Variants in DFFB observed in about 807,000 individuals in gnomAD.
DFFB encodes the protein DNA fragmentation factor 40 kDa subunit.
DFFB carries 29 observed loss-of-function variants against 32.7 expected under a neutral mutation model. The ratio of observed to expected loss-of-function variants is 0.89; its 90% CI spans 0.66 to 1.21. DFFB has a LOEUF of 1.21. DFFB is among the 50% of genes most tolerant of loss of function. The probability of loss-of-function intolerance (pLI) is 0.00; values close to 1 mark genes in which losing one functional copy is unlikely to be tolerated. For synonymous variants in DFFB, 170 were observed against 177.1 expected, an observed-to-expected ratio of 0.96 and a Z score of 0.32; for missense variants, 398 against 440.6, an observed-to-expected ratio of 0.90 and a Z score of 0.87.
intron 6 of DFFB, among the ~76,000 whole-genome samples, chr1:3,882,510 A>G (rs1645360764): frequency 6.6e-6 from 1 of 151,834 alleles, no homozygotes; most frequent in South Asian, 2.1e-4. Flanking sequence ...GATTACAGGC[A>G]TGCATCACCA....
intron 2 of DFFB, among the ~76,000 whole-genome samples, chr1:3,859,235 C>A (rs912529411): frequency 6.6e-6 from 1 of 151,616 alleles, no homozygotes. Flanking sequence ...TCTGGAAGGA[C>A]GAGGTGGTGG....
intron 6 of DFFB, among the ~76,000 whole-genome samples, chr1:3,881,157 G>A (rs910178554): frequency 6.6e-6 from 1 of 152,208 alleles, no homozygotes; most frequent in African/African-American, 2.4e-5. Flanking sequence ...GGCCATGTGA[G>A]GGAGCCTGTC....
At chr1:3,870,960 T>C (rs1645100644) in intron 5 of DFFB, among the ~76,000 whole-genome samples, 1 of 152,210 alleles carries the variant, frequency 6.6e-6, no homozygotes, top group Non-Finnish European at 1.5e-5. Flanking sequence ...AGTGCTGGGC[T>C]GCGGACCACA....
intron 6 of DFFB, chr1:3,872,958 G>A: frequency 8.1e-7 from 1 of 1,233,590 alleles, no homozygotes; most frequent in South Asian, 1.4e-5. Context: ...CAGACAGCGG[G>A]AGCTCCTGGT....
chr1:3,874,245 A>C (rs891371560), intron 6 of DFFB, among the ~76,000 whole-genome samples: 1 of 145,922 alleles, frequency 6.9e-6, no homozygotes, highest in Non-Finnish European at 1.5e-5. Flanking sequence ...TAACATGTAC[A>C]TATGTGGCCT....
intron 6 of DFFB, 48 bp downstream of exon 6, chr1:3,872,620 T>G: frequency 2.0e-6 from 3 of 1,518,286 alleles, no homozygotes; most frequent in Non-Finnish European, 2.7e-6. Flanking sequence ...TGCAGGGCCC[T>G]GTCCCTGCCG....
rs757089160 is a variant in DFFB, at chr1:3,883,656, C to T, written c.932C>T (p.Thr311Ile). ...CACATTGTCTGCCATAAGAAAACCA[C>T]CCACAAGCTCAACTGTGACCCAAGC... is the stretch of plus-strand genomic sequence containing the variant. ...LVHIVCHKKT[T>I]HKLNCDPSRI... The change falls in exon 7 of 7, where the codon ACC (threonine) becomes ATC (isoleucine). Residue 311 changes from threonine (T) to isoleucine (I), a missense_variant. Physicochemically the swap from Thr to Ile is moderately conservative, Grantham distance 89. Coordinates refer to ENST00000378209, the MANE Select transcript of DFFB (RefSeq NM_004402.4). 6.6e-5 allele frequency: 107 copies of T among 1,613,970 alleles called. No homozygotes were observed. The highest frequency in any genetic ancestry group is 8.6e-5 in the Non-Finnish European group (102 of 1,180,032).
At chr1:3,872,654 T>G in intron 6 of DFFB, 82 bp downstream of exon 6, 1 of 1,268,456 alleles carries the variant, frequency 7.9e-7, no homozygotes, top group Non-Finnish European at 1.1e-6. Context: ...GCCATGGCCC[T>G]GTCCCTGCCA....
intron 2 of DFFB, among the ~76,000 whole-genome samples, chr1:3,861,832 G>A (rs1644886363): frequency 1.3e-5 from 2 of 152,220 alleles, no homozygotes; most frequent in African/African-American, 4.8e-5. Flanking sequence ...TGAAGACAAG[G>A]ATGTCCACTC....
At chr1:3,866,078 C>G (rs1644974529) in intron 3 of DFFB, 78 bp downstream of exon 3, 2 of 1,271,440 alleles carry the variant, frequency 1.6e-6, no homozygotes, top group East Asian at 2.5e-5. Context: ...TTCCAAAAAG[C>G]CCCCAGTGAA....
At chr1:3,862,360 T>C (rs1557709333) in intron 2 of DFFB, among the ~76,000 whole-genome samples, 2 of 152,224 alleles carry the variant, frequency 1.3e-5, no homozygotes, top group Non-Finnish European at 2.9e-5. Context: ...ATTGACATGC[T>C]GATTCTAATC....
At chr1:3,861,436 T>C (rs150746445) in intron 2 of DFFB, among the ~76,000 whole-genome samples, 16 of 152,294 alleles carry the variant, frequency 1.1e-4, no homozygotes, top group South Asian at 4.1e-4. Flanking sequence ...TTTTCTTTCT[T>C]GTTTTCTTTT....
chr1:3,879,017 C>T (rs1418910312), intron 6 of DFFB, among the ~76,000 whole-genome samples: 1 of 152,186 alleles, frequency 6.6e-6, no homozygotes, highest in African/African-American at 2.4e-5. Context: ...TGACAGATAC[C>T]TACCTTCAGT....
chr1:3,857,695 G>C lies in DFFB; in HGVS notation c.92G>C (p.Arg31Pro). The C allele has an allele frequency of 6.4e-7, 1 of 1,563,830 alleles. No individual in the cohort carries two copies. The highest frequency in any genetic ancestry group is 8.7e-7 in the Non-Finnish European group (1 of 1,155,432). Residue 31 changes from arginine to proline, a missense_variant, in exon 1 of 7, where the codon CGC becomes CCC. Physicochemically the swap from Arg to Pro is moderately radical, Grantham distance 103 (BLOSUM62 -2). Transcript: ENST00000378209. ...VAGRSCQEVL[R>P]KGCLRFQLPE... ...GGCCGGAGCTGCCAGGAGGTGCTGC[G>C]CAAGGGCTGTCTCCGCTTCCAGGTG...
At chr1:3,858,051 C>A (rs1310384830) in intron 1 of DFFB, among the ~76,000 whole-genome samples, 2 of 152,214 alleles carry the variant, frequency 1.3e-5, no homozygotes, top group African/African-American at 4.8e-5. Context: ...CCTCAGCTTC[C>A]CCTTGAGTAA....
At chr1:3,857,766 A>C (rs977501848) in intron 1 of DFFB, 49 bp downstream of exon 1, 12 of 1,292,600 alleles carry the variant, frequency 9.3e-6, no homozygotes, top group Non-Finnish European at 1.1e-5. Flanking sequence ...GCGTGTGGGG[A>C]GAATAGGAGG....
In DFFB at chr1:3,857,711, C is replaced by A. The variant is rs776134398; in HGVS notation, c.108C>A (p.Arg36=). Residue 36 remains arginine, a synonymous_variant, in exon 1 of 7, where the codon CGC becomes CGA. Coordinates refer to ENST00000378209, the MANE Select transcript of DFFB (RefSeq NM_004402.4). ...CQEVLRKGCL[R]FQLPERGSRL... Reference sequence around the variant, plus strand: ...AGGTGCTGCGCAAGGGCTGTCTCCGCTTCCAGGTGCCCGCTGGGCTAGGCG... The same window carrying A: ...AGGTGCTGCGCAAGGGCTGTCTCCGATTCCAGGTGCCCGCTGGGCTAGGCG... The A allele has an allele frequency of 6.5e-7, 1 of 1,534,974 alleles. No individual in the cohort carries two copies.
At chr1:3,859,688 C>T (rs995729970) in intron 2 of DFFB, among the ~76,000 whole-genome samples, 5 of 152,214 alleles carry the variant, frequency 3.3e-5, no homozygotes, top group Admixed American at 6.5e-5. Context: ...TGAGGGGTGA[C>T]GCCTCTGGTG....
intron 6 of DFFB, 59 bp downstream of exon 6, chr1:3,872,631 T>TGCCCCTGCCGC: frequency 7.2e-7 from 1 of 1,397,722 alleles, no homozygotes; most frequent in Non-Finnish European, 1.0e-6. Flanking sequence ...GTCCCTGCCG[T>TGCCCCTGCCGC]GGCCCTGTCC....
Sources: gnomAD v4.1 joint callset for allele counts (sites outside exome capture counted in the v4.1 genomes callset) on GRCh38, gnomAD v4.1.1 for gene constraint, MANE v1.5 for transcripts, NCBI Gene and HGNC (gene_info 2026-07-23, HGNC 2026-07-21) for gene names.